The following DZIP3 variants were observed in gnomAD, a reference collection of about 807,000 sequenced individuals.
DZIP3 encodes the protein DAZ interacting zinc finger protein 3, also known as E3 ubiquitin-protein ligase DZIP3.
A neutral mutation model predicts 162.0 loss-of-function variants in DZIP3; 118 were observed. The ratio of observed to expected loss-of-function variants is 0.73; its 90% CI spans 0.63 to 0.85. The LOEUF (loss-of-function observed/expected upper bound fraction) is 0.85, where lower values mean the gene tolerates loss of function less well. DZIP3 is among the 40% of genes least tolerant of loss of function. DZIP3 has a pLI of 0.00. For synonymous variants in DZIP3, 438 were observed against 458.6 expected, an observed-to-expected ratio of 0.96 and a Z score of 0.57; for missense variants, 1,331 against 1,407.0, an observed-to-expected ratio of 0.95 and a Z score of 0.86.
chr3:108,686,352 G>A, intron 27 of DZIP3, 93 bp from the exon 28 acceptor site: 1 of 1,232,366 alleles, frequency 8.1e-7, no homozygotes, highest in Non-Finnish European at 1.1e-6. Context: ...GTGTATGCCA[G>A]TACGCTTCTT....
chr3:108,656,477 A>G (rs1943126445), intron 19 of DZIP3, among the ~76,000 whole-genome samples: 1 of 152,186 alleles, frequency 6.6e-6, no homozygotes, highest in South Asian at 2.1e-4. Context: ...GGGCATCCAC[A>G]CCAAAACCCC....
intron 22 of DZIP3, among the ~76,000 whole-genome samples, chr3:108,672,134 C>CCATT (rs1943947485): frequency 6.6e-6 from 1 of 151,998 alleles, no homozygotes; most frequent in South Asian, 2.1e-4. Flanking sequence ...GGCATTAATT[C>CCATT]CATTCATTGG....
chr3:108,649,264 C>T (rs571394724), intron 17 of DZIP3, among the ~76,000 whole-genome samples: 30 of 151,830 alleles, frequency 2.0e-4, no homozygotes, highest in Non-Finnish European at 4.0e-4. Flanking sequence ...TTTTAAAATG[C>T]GTACTCATTG....
At chr3:108,648,842 G>T in intron 16 of DZIP3, 76 bp from the exon 17 acceptor site, 1 of 735,278 alleles carries the variant, frequency 1.4e-6, no homozygotes, top group Admixed American at 4.2e-5. Flanking sequence ...TCAGTGGTGA[G>T]AGGAAATATA....
At chr3:108,665,810 A>G (rs755255564) in intron 21 of DZIP3, among the ~76,000 whole-genome samples, 10 of 152,204 alleles carry the variant, frequency 6.6e-5, no homozygotes, top group South Asian at 4.1e-4. Flanking sequence ...AGTTTATTCA[A>G]TTACCGAAAG....
chr3:108,619,060 CAAAAAAAAAAAAAA>C (rs57700432), intron 5 of DZIP3, among the ~76,000 whole-genome samples: 121 of 70,114 alleles, frequency 1.7e-3, no homozygotes, highest in African/African-American at 7.0e-3. Context: ...GACTCCATCT[CAAAAAAAAAAAAAA>C]AAAAAAAAAA....
chr3:108,640,566 C>T (rs980444720), intron 12 of DZIP3, among the ~76,000 whole-genome samples: 5 of 151,916 alleles, frequency 3.3e-5, no homozygotes, highest in African/African-American at 1.2e-4. Context: ...CTGCCTCAGC[C>T]TCCTGAGTAG....
chr3:108,666,248 A>G (rs935899225), intron 21 of DZIP3, among the ~76,000 whole-genome samples: 1 of 152,148 alleles, frequency 6.6e-6, no homozygotes. Flanking sequence ...AAAAAAAAGT[A>G]AGAATGGCTA....
chr3:108,642,585 A>G, intron 13 of DZIP3, 71 bp downstream of exon 13: 1 of 1,374,194 alleles, frequency 7.3e-7, no homozygotes, highest in Middle Eastern at 1.9e-4. Context: ...GTCAACTTTC[A>G]TGCCATTAAC....
At chr3:108,615,572 T>G (rs1940959489) in intron 4 of DZIP3, among the ~76,000 whole-genome samples, 1 of 152,174 alleles carries the variant, frequency 6.6e-6, no homozygotes, top group Non-Finnish European at 1.5e-5. Context: ...GAAAATGTTA[T>G]ATATGGAAAC....
intron 4 of DZIP3, among the ~76,000 whole-genome samples, chr3:108,612,985 G>T (rs991210615): frequency 2.0e-5 from 3 of 152,070 alleles, no homozygotes; most frequent in Non-Finnish European, 2.9e-5. Context: ...TCTGACCCCT[G>T]TACCAGTTCT....
rs1202962920 is a variant in DZIP3 at position 108,676,441 on chromosome 3, A to G, written c.2781+568A>G. Among the ~76,000 whole-genome samples, 6 of 152,262 alleles carry G rather than the reference A, an allele frequency of 3.9e-5. No individual in the cohort carries two copies. The East Asian group carries it at 1.2e-3, about 29-fold the overall frequency. The stretch of plus-strand genomic sequence containing the variant: ...CTAACTTTTTATGTAATTATTCCAT[A>G]ATGCAAAATAGTAAATTCTTAAGTA... On this transcript the variant is annotated intron_variant, in intron 25 of 32. Transcript: ENST00000361582.
chr3:108,631,055 A>ACACACACACATACACTCTCTCTCT lies in DZIP3; in HGVS notation c.696+1880_696+1881insACACACACATACACTCTCTCTCTC. ...CACACACACACACACACACACACAC[A>ACACACACACATACACTCTCTCTCT]CTCTCTCTCTCTCTCTCTCTCTCTC... On this transcript the variant is annotated intron_variant, in intron 8 of 32. Coordinates refer to ENST00000361582, the MANE Select transcript of DZIP3 (RefSeq NM_014648.4). Among the ~76,000 whole-genome samples the ACACACACACATACACTCTCTCTCT allele has an allele frequency of 1.7e-3, 31 of 18,014 alleles. 1 individual carries two copies. Among genetic ancestry groups the ACACACACACATACACTCTCTCTCT allele is most frequent in the South Asian group, 7.0e-3 (3 of 426 alleles). 11.8% of individuals were successfully genotyped at this position (18,014 alleles called of 152,430 possible).
In DZIP3 at chr3:108,654,084, A is replaced by C. The variant is rs1231783312; in HGVS notation, c.2034-61A>C. 1.9e-6 allele frequency: 3 copies of C among 1,544,818 alleles called. No individual in the cohort carries two copies. In the African/African-American group the frequency reaches 4.1e-5, roughly 21 times the overall value. On this transcript the variant is annotated intron_variant, in intron 18 of 32. Coordinates refer to ENST00000361582, the MANE Select transcript of DZIP3 (RefSeq NM_014648.4). ...GTACAATACTAACTTTGGAAGCAAT[A>C]GCTTAGATGAAAATTACTATACAAT...
chr3:108,629,992 C>T (rs1025500174), intron 8 of DZIP3, among the ~76,000 whole-genome samples: 7 of 151,944 alleles, frequency 4.6e-5, no homozygotes, highest in Admixed American at 1.3e-4. Context: ...ATATTTCTCA[C>T]GTCATTTCAT....
In DZIP3 at chr3:108,608,858, C is replaced by G. The variant is rs993257376; in HGVS notation, c.102+700C>G. On this transcript the variant is annotated intron_variant, in intron 3 of 32. Transcript: ENST00000361582. The stretch of plus-strand genomic sequence containing the variant: ...GTTCTCATACTGCTGTAAAGAACTA[C>G]CTGAGACTGGGTAATTTATAAAGAA... Among the ~76,000 whole-genome samples the G allele has an allele frequency of 8.5e-5, 13 of 152,208 alleles. 1 individual carries two copies. The highest frequency in any genetic ancestry group is 6.5e-4 in the Admixed American group (10 of 15,278).
chr3:108,654,393 GA>G, intron 19 of DZIP3, 83 bp downstream of exon 19: 1 of 1,444,694 alleles, frequency 6.9e-7, no homozygotes, highest in Non-Finnish European at 9.7e-7. Context: ...ATCACCCTTT[GA>G]AAAGCCCAGT....
chr3:108,664,574 C>T (rs1390814290), intron 21 of DZIP3, among the ~76,000 whole-genome samples: 2 of 152,236 alleles, frequency 1.3e-5, no homozygotes, highest in African/African-American at 4.8e-5. Flanking sequence ...CAAAACTAGT[C>T]AATACTAGGC....
chr3:108,590,333 C>T (rs1939318321), intron 1 of DZIP3, among the ~76,000 whole-genome samples: 5 of 152,102 alleles, frequency 3.3e-5, no homozygotes, highest in Admixed American at 3.3e-4. Flanking sequence ...GGTACATTTC[C>T]ATTTAATTAA....
Sources: allele counts gnomAD v4.1 joint callset (sites outside exome capture counted in the v4.1 genomes callset), GRCh38; gene constraint gnomAD v4.1.1; transcripts MANE v1.5; gene names NCBI Gene and HGNC (gene_info 2026-07-23, HGNC 2026-07-21).